Variants in ENAM observed in about 807,000 individuals in gnomAD.
The protein encoded by ENAM is enamelin.
A neutral mutation model predicts 33.6 loss-of-function variants in ENAM; 21 were observed. That is an observed-to-expected ratio of 0.63 (90% CI 0.44 to 0.90). The LOEUF is 0.90. Among genes scored for constraint, ENAM ranks in the 40% least tolerant of loss-of-function variants. The probability of loss-of-function intolerance (pLI) is 0.00; values close to 1 mark genes in which losing one functional copy is unlikely to be tolerated. For missense variants in ENAM, 1,388 were observed against 1,366.9 expected (o/e 1.02, Z -0.24); for synonymous variants, 473 against 468.4 (o/e 1.01, Z -0.13).
chr4:70,643,220 T>C lies in ENAM; in HGVS notation c.1794T>C (p.Val598=), dbSNP rs1560404726. Residue 598 remains valine (V), a synonymous_variant, in exon 9 of 9, where the codon GTT becomes GTC. Coordinates refer to ENST00000396073, the MANE Select transcript of ENAM (RefSeq NM_031889.3). ...CTTCCCATGGTTCTAGAGGAAGTGT[T>C]TTCTACCCTGAATATAACCCATATG... The part of the protein sequence containing the change: ...PHPSHGSRGS[V]FYPEYNPYDP... The C allele has an allele frequency of 6.2e-7, 1 of 1,613,656 alleles. No homozygotes were observed. Among genetic ancestry groups the C allele is most frequent in the African/African-American group, 1.3e-5 (1 of 74,882 alleles).
rs772158004 is a variant in ENAM at position 70,644,002 on chromosome 4, G to C, written c.2576G>C (p.Gly859Ala). 1.2e-6 allele frequency: 2 copies of C among 1,614,080 alleles called. No individual in the cohort carries two copies. Among genetic ancestry groups the C allele is most frequent in the South Asian group, 2.2e-5 (2 of 91,078 alleles). The stretch of plus-strand genomic sequence containing the variant: ...TTCATCCCACCAAGTTACCCATCAG[G>C]TCAAAAAGAAGCACATTTATTTCAC... ...PNFIPPSYPSGQKEAHLFHLS... is the reference protein window; with the variant it reads ...PNFIPPSYPSAQKEAHLFHLS... Residue 859 changes from glycine to alanine, a missense_variant, in exon 9 of 9, where the codon GGT becomes GCT. Physicochemically the swap from Gly to Ala is moderately conservative, Grantham distance 60. Coordinates refer to ENST00000396073, the MANE Select transcript of ENAM (RefSeq NM_031889.3).
chr4:70,634,245 A>G (rs1161578350), intron 5 of ENAM, 63 bp from the exon 6 acceptor site: 1 of 1,525,758 alleles, frequency 6.6e-7, no homozygotes, highest in Non-Finnish European at 9.1e-7. Flanking sequence ...CTGACATTAG[A>G]GGATGGAGAC....
At position 70,642,010 on chromosome 4, in the gene ENAM, T is replaced by G. The variant is rs556774673; in HGVS notation, c.589-5T>G. On this transcript the variant is annotated splice_region_variant and splice_polypyrimidine_tract_variant and intron_variant, in intron 8 of 8. Transcript: ENST00000396073. The stretch of plus-strand genomic sequence containing the variant: ...AATTATTGATTTCCATTTTCTTTCC[T>G]ACAGAATCCTTACTTTGGATATTTT... 206 of 1,609,520 alleles carry G rather than the reference T, an allele frequency of 1.3e-4. No individual in the cohort carries two copies. The South Asian group carries it at 2.1e-3, about 16-fold the overall frequency.
At chr4:70,629,983 A>C (rs1738269072) in intron 2 of ENAM, among the ~76,000 whole-genome samples, 2 of 152,150 alleles carry the variant, frequency 1.3e-5, no homozygotes. Context: ...CTTGGGCCAT[A>C]ATCTTAGAAA....
chr4:70,644,987 T>C lies in ENAM; in HGVS notation c.*132T>C, dbSNP rs1006563885. On this transcript the variant is annotated 3_prime_UTR_variant, in exon 9 of 9. Coordinates refer to ENST00000396073, the MANE Select transcript of ENAM (RefSeq NM_031889.3). The stretch of plus-strand genomic sequence containing the variant: ...GGTGATCCTTAAGTTTTCTCCCCTC[T>C]CAGCAATAGGAGTAGCGACCCAGGT... 6 of 773,130 alleles carry C rather than the reference T, an allele frequency of 7.8e-6. No homozygotes were observed. In the African/African-American group the frequency reaches 1.0e-4, roughly 13 times the overall value. 47.9% of individuals were successfully genotyped at this position (773,130 alleles called of 1,614,324 possible).
chr4:70,642,617 T>C lies in ENAM; in HGVS notation c.1191T>C (p.Asn397=). The change falls in exon 9 of 9, where the codon AAT becomes AAC. Residue 397 remains asparagine, a synonymous_variant. Transcript: ENST00000396073. ...SRGNYPNYAG[N]PANLRRKPQG... ...GCAATTATCCCAATTATGCAGGAAA[T>C]CCAGCAAATCTCAGAAGAAAGCCTC... 1 of 1,613,984 alleles carries C rather than the reference T, an allele frequency of 6.2e-7. No individual in the cohort carries two copies. Among genetic ancestry groups the C allele is most frequent in the Non-Finnish European group, 8.5e-7 (1 of 1,179,972 alleles).
At position 70,639,589 on chromosome 4, in the gene ENAM, C is replaced by CA. The variant is rs1278267908; in HGVS notation, c.588+1752dup. Among the ~76,000 whole-genome samples the CA allele has an allele frequency of 5.3e-5, 8 of 150,834 alleles. No homozygotes were observed. In the East Asian group the frequency reaches 1.4e-3, roughly 26 times the overall value. ...TAGGCGACAGAGCGAGACTCAGTCT[C>CA]AAAAAACAAAAAAGGAAAGAAATCT... On this transcript the variant is annotated intron_variant, in intron 8 of 8. Coordinates refer to ENST00000396073, the MANE Select transcript of ENAM (RefSeq NM_031889.3).
chr4:70,629,587 A>C, intron 2 of ENAM, 33 bp downstream of exon 2: 1 of 1,485,696 alleles, frequency 6.7e-7, no homozygotes, highest in Non-Finnish European at 9.4e-7. Context: ...GCCAATACAT[A>C]CAGGTTCTCA....
rs1328704380 is a variant in ENAM at position 70,631,535 on chromosome 4, A to G, written c.55-135A>G. 8 of 709,740 alleles carry G rather than the reference A, an allele frequency of 1.1e-5. No homozygotes were observed. The African/African-American group carries it at 1.2e-4, about 11-fold the overall frequency. The allele number at this position is 709,740 out of a possible 1,614,324, so 44.0% of individuals were successfully genotyped here. On this transcript the variant is annotated intron_variant, in intron 2 of 8. Transcript: ENST00000396073. ...ATCTAATAGTTTCTTGACATAAAAT[A>G]AAACTGGCAGCAGGGGCCCCATCCA...
At chr4:70,629,690 G>A in intron 2 of ENAM, 136 bp downstream of exon 2, 1 of 780,104 alleles carries the variant, frequency 1.3e-6, no homozygotes, top group East Asian at 2.5e-5. Flanking sequence ...CAGATGGAAT[G>A]GAAGAAGAAC....
intron 7 of ENAM, among the ~76,000 whole-genome samples, chr4:70,636,995 A>G (rs982120361): frequency 1.3e-5 from 2 of 152,228 alleles, no homozygotes; most frequent in African/African-American, 2.4e-5. Flanking sequence ...CAGCTATGAC[A>G]TAGGTTTTCC....
In ENAM at chr4:70,644,707, A is replaced by G. The variant is rs769068466; in HGVS notation, c.3281A>G (p.Asn1094Ser). 1 of 1,614,200 alleles carries G rather than the reference A, an allele frequency of 6.2e-7. No homozygotes were observed. Among genetic ancestry groups the G allele is most frequent in the South Asian group, 1.1e-5 (1 of 91,084 alleles). Residue 1094 changes from asparagine to serine, a missense_variant, in exon 9 of 9, where the codon AAC becomes AGC. By Grantham distance (46) the Asn-to-Ser change is conservative. Coordinates refer to ENST00000396073, the MANE Select transcript of ENAM (RefSeq NM_031889.3). ...TCAATTACGCCTACTGAAAATCCTAACACATTGGTTGAGTTAGCTACTGAG... is the reference window on the plus strand; with the variant it reads ...TCAATTACGCCTACTGAAAATCCTAGCACATTGGTTGAGTTAGCTACTGAG... ...GDSITPTENP[N>S]TLVELATEEQ...
Position 70,643,801 on chromosome 4 carries a change from A to G in ENAM, c.2375A>G (p.His792Arg), listed in dbSNP as rs746539984. ...AGAAATATCTGGGATCAGGCAACAC[A>G]TTTACAAAAAGCCCCAGCTAGGCCA... Reference protein sequence around the residue: ...FNRNIWDQATHLQKAPARPPD... With the variant: ...FNRNIWDQATRLQKAPARPPD... The change falls in exon 9 of 9, where the codon CAT becomes CGT. Residue 792 changes from histidine (H) to arginine (R), a missense_variant. By Grantham distance (29) the His-to-Arg change is conservative. Transcript: ENST00000396073. The G allele has an allele frequency of 7.4e-6, 12 of 1,614,074 alleles. No homozygotes were observed. The East Asian group carries it at 2.7e-4, about 36-fold the overall frequency.
Position 70,644,490 on chromosome 4 carries a change from G to T in ENAM, c.3064G>T (p.Gly1022Cys). 6.2e-7 allele frequency: 1 copy of T among 1,614,094 alleles called. No homozygotes were observed. The highest frequency in any genetic ancestry group is 8.5e-7 in the Non-Finnish European group (1 of 1,180,002). Residue 1022 changes from glycine (G) to cysteine (C), a missense_variant, in exon 9 of 9, where the codon GGT becomes TGT. Coordinates refer to ENST00000396073, the MANE Select transcript of ENAM (RefSeq NM_031889.3). ...CCTTACTCCTGAGCAGCTTGTTATT[G>T]GTACACCTGATGAAGGCTCCAATCC... Reference protein sequence around the residue: ...VDLTPEQLVIGTPDEGSNPEG... With the variant: ...VDLTPEQLVICTPDEGSNPEG...
At chr4:70,637,362 C>T (rs955584116) in intron 7 of ENAM, among the ~76,000 whole-genome samples, 2 of 152,128 alleles carry the variant, frequency 1.3e-5, no homozygotes, top group East Asian at 1.9e-4. Flanking sequence ...AAAATAACAT[C>T]GTTACTTAAT....
rs540714525 is a variant in ENAM at position 70,634,956 on chromosome 4, C to A, written c.471+388C>A. 9.2e-5 allele frequency among the ~76,000 whole-genome samples: 14 copies of A among 152,320 alleles called. No homozygotes were observed. In the South Asian group the frequency reaches 2.9e-3, roughly 32 times the overall value. On this transcript the variant is annotated intron_variant, in intron 6 of 8. Transcript: ENST00000396073. Reference sequence around the variant, plus strand: ...AATAGTTTCGAAGTTTCATCCAAATCTGTGCTTTGATGCTCTAAAATATTG... The same window carrying A: ...AATAGTTTCGAAGTTTCATCCAAATATGTGCTTTGATGCTCTAAAATATTG...
intron 8 of ENAM, among the ~76,000 whole-genome samples, chr4:70,638,826 T>C: frequency 6.7e-6 from 1 of 149,496 alleles, no homozygotes; most frequent in East Asian, 2.0e-4. Context: ...AGAGTCTCGC[T>C]CTGTCATCCA....
At chr4:70,634,710 T>C in intron 6 of ENAM, 142 bp downstream of exon 6, 1 of 837,890 alleles carries the variant, frequency 1.2e-6, no homozygotes, top group South Asian at 1.5e-5. Flanking sequence ...CAAAACTGCA[T>C]GGCAAGTCGA....
rs1044810366 is a variant in ENAM at position 70,645,724 on chromosome 4, T to A, written c.*869T>A. 2 of 152,218 alleles carry A rather than the reference T, an allele frequency of 1.3e-5. No homozygotes were observed. The highest frequency in any genetic ancestry group is 6.5e-5 in the Admixed American group (1 of 15,276). The allele number at this position is 152,218 out of a possible 1,614,324, so 9.4% of individuals were successfully genotyped here. A position where few individuals can be genotyped will look rare whatever the true frequency, so the allele number is the denominator to read the frequency against. On this transcript the variant is annotated 3_prime_UTR_variant, in exon 9 of 9. Coordinates refer to ENST00000396073, the MANE Select transcript of ENAM (RefSeq NM_031889.3). ...TCCAAATCGTACCCTAAATTTTTCTTGACCCAGCTTAACCATCATTACAGA... is the reference window on the plus strand; with the variant it reads ...TCCAAATCGTACCCTAAATTTTTCTAGACCCAGCTTAACCATCATTACAGA...
Sources: gnomAD v4.1 joint callset for allele counts (sites outside exome capture counted in the v4.1 genomes callset) on GRCh38, gnomAD v4.1.1 for gene constraint, MANE v1.5 for transcripts, NCBI Gene and HGNC (gene_info 2026-07-23, HGNC 2026-07-21) for gene names.